The following KRT80 variants were observed in gnomAD, a reference collection of about 807,000 sequenced individuals.
KRT80 encodes the protein keratin 80.
KRT80 carries 36 observed loss-of-function variants against 51.5 expected under a neutral mutation model. That is an observed-to-expected ratio of 0.70 (90% CI 0.54 to 0.92). The LOEUF is 0.92. Among genes scored for constraint, KRT80 ranks in the 40% least tolerant of loss-of-function variants. The pLI is 0.00. For missense variants in KRT80, 566 were observed against 591.7 expected (o/e 0.96, Z 0.45); for synonymous variants, 235 against 248.3 (o/e 0.95, Z 0.50).
Position 52,191,843 on chromosome 12 carries a change from C to T in KRT80, c.60G>A (p.Pro20=), listed in dbSNP as rs575493679. The T allele has an allele frequency of 4.8e-5, 76 of 1,572,300 alleles. No individual in the cohort carries two copies. In the Admixed American group the frequency reaches 6.0e-4, roughly 12 times the overall value. Residue 20 remains proline (P), a synonymous_variant, in exon 1 of 9, where the codon CCG becomes CCA. Transcript: ENST00000394815. ...FSSLSSCEVT[P]VGSPRPGTSG... ...AGGTTCCAGGCCGGGGGCTGCCCAC[C>T]GGGGTCACCTCACAGCTGCTGAGGC...
intron 1 of KRT80, 58 bp downstream of exon 1, chr12:52,191,545 C>T (rs1941480803): frequency 1.3e-6 from 2 of 1,489,360 alleles, no homozygotes; most frequent in East Asian, 4.6e-5. Context: ...ACACAGAGCT[C>T]AGCTACCGGC....
Position 52,191,630 on chromosome 12 carries a change from A to C in KRT80, c.273T>G (p.Asn91Lys), listed in dbSNP as rs1941481882. 1.3e-6 allele frequency: 2 copies of C among 1,598,736 alleles called. No individual in the cohort carries two copies. The highest frequency in any genetic ancestry group is 1.7e-6 in the Non-Finnish European group (2 of 1,169,434). The change falls in exon 1 of 9, where the codon AAT becomes AAG. Residue 91 changes from asparagine to lysine, a missense_variant. Transcript: ENST00000394815. ...NQEKEEMKAL[N>K]DKFASLIGKV... Reference sequence around the variant, plus strand: ...TGCCAATTAGGGAGGCAAATTTATCATTGAGGGCCTTCATCTCCTCCTTCT... The same window carrying C: ...TGCCAATTAGGGAGGCAAATTTATCCTTGAGGGCCTTCATCTCCTCCTTCT...
At position 52,173,109 on chromosome 12, in the gene KRT80, G is replaced by C. The variant is rs150267443; in HGVS notation, c.886C>G (p.Arg296Gly). 1.9e-6 allele frequency: 3 copies of C among 1,613,516 alleles called. No homozygotes were observed. Among genetic ancestry groups the C allele is most frequent in the Non-Finnish European group, 2.5e-6 (3 of 1,179,726 alleles). The change falls in exon 6 of 9, where the codon CGC (arginine) becomes GGC (glycine). Residue 296 changes from arginine (R) to glycine (G), a missense_variant. Transcript: ENST00000394815. ...ACATTGAGATCCGCGATCTCGCTGC[G>C]GCTGCTCTGGAGGCTGCTCCCATAC... is the stretch of plus-strand genomic sequence containing the variant. The part of the protein sequence containing the change: ...AEYGSSLQSS[R>G]SEIADLNVRI...
intron 4 of KRT80, among the ~76,000 whole-genome samples, chr12:52,176,400 T>C (rs150459341): frequency 1.3e-5 from 2 of 152,272 alleles, no homozygotes; most frequent in East Asian, 1.9e-4. Context: ...AGATTGTGAC[T>C]GTTATGGGGT....
chr12:52,186,844 A>C (rs1488763828), intron 1 of KRT80, among the ~76,000 whole-genome samples: 1 of 151,860 alleles, frequency 6.6e-6, no homozygotes, highest in Non-Finnish European at 1.5e-5. Context: ...CCTTCTACCC[A>C]GTCCAGCCCA....
chr12:52,174,658 T>C (rs953148023), intron 4 of KRT80, among the ~76,000 whole-genome samples: 1 of 152,226 alleles, frequency 6.6e-6, no homozygotes, highest in Non-Finnish European at 1.5e-5. Flanking sequence ...ATAAAGATGT[T>C]GTGGAGACAG....
At chr12:52,183,620 T>C (rs920986379) in intron 2 of KRT80, among the ~76,000 whole-genome samples, 10 of 152,190 alleles carry the variant, frequency 6.6e-5, no homozygotes, top group African/African-American at 2.4e-4. Flanking sequence ...TAGAGTCAGG[T>C]AGCAGGCGGA....
intron 3 of KRT80, 61 bp downstream of exon 3, chr12:52,180,842 G>T (rs765090345): frequency 1.9e-6 from 3 of 1,611,594 alleles, no homozygotes; most frequent in Non-Finnish European, 2.5e-6. Context: ...AGGATATCTG[G>T]AGGGAAAGAG....
At chr12:52,188,433 G>A (rs964513949) in intron 1 of KRT80, among the ~76,000 whole-genome samples, 4 of 152,202 alleles carry the variant, frequency 2.6e-5, no homozygotes, top group Non-Finnish European at 5.9e-5. Flanking sequence ...ACTCCTGGAG[G>A]GAGACAGGCC....
chr12:52,189,676 GGGGCCCCTTGGGGCCCTGCAACCA>G (rs1941452684), intron 1 of KRT80, among the ~76,000 whole-genome samples: 1 of 152,186 alleles, frequency 6.6e-6, no homozygotes, highest in Non-Finnish European at 1.5e-5. Context: ...AGGGTCAGCT[GGGGCCCCTTGGGGCCCTGCAACCA>G]GGGCCCCCAA....
At position 52,171,265 on chromosome 12, in the gene KRT80, G is replaced by A. The variant is rs146704426; in HGVS notation, c.*133C>T. The A allele has an allele frequency of 3.4e-4, 329 of 965,162 alleles. No homozygotes were observed. The East Asian group carries it at 6.4e-3, about 19-fold the overall frequency. 59.8% of individuals were successfully genotyped at this position (965,162 alleles called of 1,614,324 possible). ...CAGCCCACAAAACACAGTCAGTTTT[G>A]AACCCCTCTCTCAGTTCAATATCAG... On this transcript the variant is annotated 3_prime_UTR_variant, in exon 9 of 9. Coordinates refer to ENST00000394815, the MANE Select transcript of KRT80 (RefSeq NM_182507.3).
At chr12:52,189,535 T>C (rs1288218721) in intron 1 of KRT80, among the ~76,000 whole-genome samples, 1 of 152,250 alleles carries the variant, frequency 6.6e-6, no homozygotes, top group Non-Finnish European at 1.5e-5. Context: ...TGGTCAGTAG[T>C]GGACCGGGAT....
chr12:52,181,165 C>T (rs1033081045), intron 2 of KRT80, among the ~76,000 whole-genome samples: 4 of 152,104 alleles, frequency 2.6e-5, no homozygotes, highest in East Asian at 1.9e-4. Flanking sequence ...ATTGGCTCCC[C>T]GTTCCTCACT....
rs1941072572 is a variant in KRT80 at position 52,170,631 on chromosome 12, A to C, written c.*767T>G. The C allele has an allele frequency of 6.6e-6, 1 of 152,190 alleles. No homozygotes were observed. 9.4% of individuals were successfully genotyped at this position (152,190 alleles called of 1,614,324 possible). On this transcript the variant is annotated 3_prime_UTR_variant, in exon 9 of 9. Transcript: ENST00000394815. ...AATCTCAAGCTGCCATCTGGCTTCC[A>C]CTCCCAGGGAGTTGATTATGGCAAG...
chr12:52,188,819 G>A (rs1391395223), intron 1 of KRT80, among the ~76,000 whole-genome samples: 1 of 152,142 alleles, frequency 6.6e-6, no homozygotes, highest in Non-Finnish European at 1.5e-5. Context: ...GTGCGTGAAG[G>A]CAAGAAGCCC....
intron 2 of KRT80, among the ~76,000 whole-genome samples, chr12:52,182,208 C>T (rs919998492): frequency 1.4e-4 from 22 of 152,274 alleles, no homozygotes; most frequent in Middle Eastern, 3.4e-3. Context: ...CCGGGGAGAA[C>T]GTTCTGCTGT....
In KRT80 at chr12:52,189,001, G is replaced by A. The variant is rs571846802; in HGVS notation, c.300+2602C>T. The stretch of plus-strand genomic sequence containing the variant: ...AGAGCAGAGCAGTGGAATCTGGGGC[G>A]CAGAGAGGGTAAATGACTTGCCCAG... On this transcript the variant is annotated intron_variant, in intron 1 of 8. Coordinates refer to ENST00000394815, the MANE Select transcript of KRT80 (RefSeq NM_182507.3). Among the ~76,000 whole-genome samples the A allele has an allele frequency of 5.3e-5, 8 of 152,304 alleles. No individual in the cohort carries two copies. The South Asian group carries it at 6.2e-4, about 12-fold the overall frequency.
chr12:52,173,210 C>A, intron 5 of KRT80, 47 bp from the exon 6 acceptor site: 1 of 1,528,250 alleles, frequency 6.5e-7, no homozygotes, highest in Non-Finnish European at 8.8e-7. Flanking sequence ...AGTGCCGCTC[C>A]CAGCACTTGT....
intron 4 of KRT80, among the ~76,000 whole-genome samples, chr12:52,176,939 T>C (rs539899694): frequency 1.3e-5 from 2 of 152,360 alleles, no homozygotes; most frequent in South Asian, 4.1e-4. Context: ...TATTTTAGGA[T>C]ATGTTAAGAA....
Sources: gnomAD v4.1 joint callset for allele counts (sites outside exome capture counted in the v4.1 genomes callset) on GRCh38, gnomAD v4.1.1 for gene constraint, MANE v1.5 for transcripts, NCBI Gene and HGNC (gene_info 2026-07-23, HGNC 2026-07-21) for gene names.